The following LYPLAL1 variants were observed in gnomAD, a reference collection of about 807,000 sequenced individuals.
LYPLAL1 encodes the protein lysophospholipase-like protein 1.
In LYPLAL1, 23 loss-of-function variants were observed where a neutral mutation model predicts 19.7. The ratio of observed to expected loss-of-function variants is 1.17; its 90% CI spans 0.84 to 1.65. LYPLAL1 has a LOEUF of 1.65. Among genes scored for constraint, LYPLAL1 ranks in the 40% most tolerant of loss-of-function variants. The pLI, the probability that LYPLAL1 is intolerant of heterozygous loss-of-function variation, is 0.00. For missense variants in LYPLAL1, 355 were observed against 279.4 expected (o/e 1.27, Z -1.93); for synonymous variants, 119 against 96.3 (o/e 1.24, Z -1.38).
the LYPLAL1 span, among the ~76,000 whole-genome samples, chr1:219,381,844 G>A: frequency 1.3e-5 from 2 of 152,138 alleles, no homozygotes; most frequent in Admixed American, 1.3e-4. Context: ...ACATGAAGAG[G>A]CCACAGTTCA....
chr1:219,438,949 C>A, the LYPLAL1 span, among the ~76,000 whole-genome samples: 1 of 152,098 alleles, frequency 6.6e-6, no homozygotes, highest in African/African-American at 2.4e-5. Flanking sequence ...CACTTGATAA[C>A]CCTATTAAAT....
the LYPLAL1 span, among the ~76,000 whole-genome samples, chr1:219,376,068 C>T: frequency 6.6e-6 from 1 of 152,096 alleles, no homozygotes; most frequent in South Asian, 2.1e-4. Context: ...TAACTTACTA[C>T]AAACCTACAT....
chr1:219,293,182 G>A, the LYPLAL1 span, among the ~76,000 whole-genome samples: 5 of 152,228 alleles, frequency 3.3e-5, no homozygotes, highest in Admixed American at 2.6e-4. Flanking sequence ...CACTTCCTTA[G>A]CAGATGAGCC....
At chr1:219,366,834 G>T in the LYPLAL1 span, among the ~76,000 whole-genome samples, 47,915 of 151,602 alleles carry the variant, frequency 0.32, 7,899 homozygotes, top group Admixed American at 0.38. Context: ...CCACCACTGC[G>T]TCAGTTAAAG....
the LYPLAL1 span, among the ~76,000 whole-genome samples, chr1:219,429,357 C>T: frequency 6.6e-6 from 1 of 152,162 alleles, no homozygotes; most frequent in South Asian, 2.1e-4. Context: ...CACCCAGTGA[C>T]AGTCGGGGTG....
the LYPLAL1 span, among the ~76,000 whole-genome samples, chr1:219,419,439 C>T: frequency 1.3e-5 from 2 of 152,090 alleles, no homozygotes; most frequent in African/African-American, 2.4e-5. Context: ...TTGATACCTC[C>T]TCTTCCTGAT....
At chr1:219,362,829 C>T in the LYPLAL1 span, among the ~76,000 whole-genome samples, 1 of 151,774 alleles carries the variant, frequency 6.6e-6, no homozygotes, top group East Asian at 1.9e-4. Flanking sequence ...GGAGATCAAC[C>T]AGTCATACTC....
chr1:219,195,456 A>G (rs1326257941), intron 3 of LYPLAL1, among the ~76,000 whole-genome samples: 1 of 152,096 alleles, frequency 6.6e-6, no homozygotes, highest in Non-Finnish European at 1.5e-5. Flanking sequence ...AAGCAAAAAA[A>G]TAGATAAAAG....
the LYPLAL1 span, among the ~76,000 whole-genome samples, chr1:219,224,524 G>A: frequency 3.3e-5 from 5 of 152,240 alleles, no homozygotes; most frequent in Middle Eastern, 3.4e-3. Flanking sequence ...GAGATCCAAA[G>A]AACAGCGGTG....
the LYPLAL1 span, among the ~76,000 whole-genome samples, chr1:219,364,671 TA>T: frequency 1.3e-5 from 2 of 152,150 alleles, no homozygotes; most frequent in African/African-American, 2.4e-5. Context: ...AATAAACAGA[TA>T]ATCTGAGATT....
the LYPLAL1 span, among the ~76,000 whole-genome samples, chr1:219,238,212 T>A: frequency 6.8e-6 from 1 of 148,012 alleles, no homozygotes; most frequent in African/African-American, 2.5e-5. Context: ...ATCTCGGCTC[T>A]CTGCAACCTC....
At chr1:219,175,926 A>T (rs1296640008) in intron 1 of LYPLAL1, among the ~76,000 whole-genome samples, 1 of 152,228 alleles carries the variant, frequency 6.6e-6, no homozygotes, top group Non-Finnish European at 1.5e-5. Flanking sequence ...CAGTTTTAAC[A>T]CTTTTACTAT....
At chr1:219,215,409 T>C (rs1349926612), downstream of LYPLAL1, among the ~76,000 whole-genome samples, 1 of 152,138 alleles carries the variant, frequency 6.6e-6, no homozygotes, top group Non-Finnish European at 1.5e-5. Flanking sequence ...ACCACTGATT[T>C]TGACCAACTT....
At chr1:219,327,819 C>G in the LYPLAL1 span, among the ~76,000 whole-genome samples, 1 of 152,240 alleles carries the variant, frequency 6.6e-6, no homozygotes, top group East Asian at 1.9e-4. Flanking sequence ...TTCTCATTCT[C>G]TCTTTGCCTG....
the LYPLAL1 span, among the ~76,000 whole-genome samples, chr1:219,412,494 A>C: frequency 6.6e-6 from 1 of 152,226 alleles, no homozygotes; most frequent in Non-Finnish European, 1.5e-5. Flanking sequence ...TATAATCAAG[A>C]GTAAATGGTA....
the LYPLAL1 span, among the ~76,000 whole-genome samples, chr1:219,373,391 T>C: frequency 3.1e-4 from 47 of 152,280 alleles, no homozygotes; most frequent in Admixed American, 2.9e-3. Flanking sequence ...TCCTTTCAAA[T>C]TACATGGAGG....
the LYPLAL1 span, among the ~76,000 whole-genome samples, chr1:219,405,274 G>A: frequency 1.3e-5 from 2 of 152,156 alleles, no homozygotes; most frequent in African/African-American, 4.8e-5. Flanking sequence ...TGGTTGAGTA[G>A]ATAACACCAC....
the LYPLAL1 span, among the ~76,000 whole-genome samples, chr1:219,368,557 G>A: frequency 3.9e-5 from 6 of 152,164 alleles, no homozygotes; most frequent in African/African-American, 7.2e-5. Flanking sequence ...AAAACACAGC[G>A]AAGGAGGGCT....
At chr1:219,289,261 C>G in the LYPLAL1 span, among the ~76,000 whole-genome samples, 66,278 of 151,764 alleles carry the variant, frequency 0.44, 15,146 homozygotes, top group East Asian at 0.68. Flanking sequence ...CTTAGTCTGT[C>G]CACCTCCCAA....
Sources: gnomAD v4.1 joint callset for allele counts (sites outside exome capture counted in the v4.1 genomes callset) on GRCh38, gnomAD v4.1.1 for gene constraint, MANE v1.5 for transcripts, NCBI Gene and HGNC (gene_info 2026-07-23, HGNC 2026-07-21) for gene names.